The following GALK2 variants were observed in gnomAD, a reference collection of about 807,000 sequenced individuals.
GALK2 encodes the protein galactokinase 2.
In GALK2, 36 loss-of-function variants were observed where a neutral mutation model predicts 52.4. That is an observed-to-expected ratio of 0.69 (90% CI 0.53 to 0.91). The LOEUF (loss-of-function observed/expected upper bound fraction) is 0.91. Ranked by LOEUF, GALK2 falls within the 40% of genes least tolerant of loss-of-function variation. The probability of loss-of-function intolerance (pLI) is 0.00; values close to 1 mark genes in which losing one functional copy is unlikely to be tolerated. For synonymous variants in GALK2, 176 were observed against 199.1 expected, an observed-to-expected ratio of 0.88 and a Z score of 0.98; for missense variants, 579 against 559.1, an observed-to-expected ratio of 1.04 and a Z score of -0.36.
intron 7 of GALK2, among the ~76,000 whole-genome samples, chr15:49,288,503 A>C (rs1425967746): frequency 1.3e-5 from 2 of 152,180 alleles, no homozygotes; most frequent in Non-Finnish European, 2.9e-5. Flanking sequence ...ATAGAATGGG[A>C]GGAGAAGTTG....
chr15:49,192,997 C>CTT (rs35231463), intron 1 of GALK2, among the ~76,000 whole-genome samples: 13 of 67,080 alleles, frequency 1.9e-4, no homozygotes, highest in African/African-American at 5.0e-4. Context: ...CTGTTTATAC[C>CTT]TTTTTTTTTT....
chr15:49,367,466 G>A, intron 3 of GALK2: 1 of 1,588,996 alleles, frequency 6.3e-7, no homozygotes, highest in South Asian at 1.2e-5. Flanking sequence ...GAATATCTTA[G>A]TGAGTTTAAT....
At chr15:49,241,156 CTG>C (rs907422179) in intron 5 of GALK2, among the ~76,000 whole-genome samples, 2 of 152,010 alleles carry the variant, frequency 1.3e-5, no homozygotes, top group African/African-American at 4.8e-5. Context: ...TGTGAGGAAT[CTG>C]TGGGCATACT....
chr15:49,328,296 AGAAATGGTT>A lies in GALK2; in HGVS notation c.*142_*150del. 1 of 1,438,436 alleles carries A rather than the reference AGAAATGGTT, an allele frequency of 7.0e-7. No homozygotes were observed. Among genetic ancestry groups the A allele is most frequent in the Non-Finnish European group, 9.1e-7 (1 of 1,099,156 alleles). The allele number at this position is 1,438,436 out of a possible 1,614,324, so 89.1% of individuals were successfully genotyped here. Reference sequence around the variant, plus strand: ...CTATTATATCAAGATATATTTTCAAAGAAATGGTTGAAAGCTCTCTATGCTTCATAATGA... The same window carrying A: ...CTATTATATCAAGATATATTTTCAAAGAAAGCTCTCTATGCTTCATAATGA... On this transcript the variant is annotated 3_prime_UTR_variant, in exon 10 of 10. Transcript: ENST00000560031.
chr15:49,366,462 G>T, intron 3 of GALK2: 1 of 1,002,766 alleles, frequency 1.0e-6, no homozygotes, highest in South Asian at 1.3e-5. Context: ...ACATCAGAAA[G>T]GTTGCATAGT....
intron 8 of GALK2, among the ~76,000 whole-genome samples, chr15:49,305,763 A>G (rs542853670): frequency 1.1e-4 from 17 of 152,262 alleles, no homozygotes; most frequent in African/African-American, 3.9e-4. Flanking sequence ...AAAACAGGAA[A>G]GAGAATCTGA....
At chr15:49,225,241 A>G (rs1452479930) in intron 3 of GALK2, 2 of 455,958 alleles carry the variant, frequency 4.4e-6, no homozygotes, top group Admixed American at 2.3e-5. Context: ...GGCAGAGGCT[A>G]TGACCTGCAG....
upstream of GALK2, among the ~76,000 whole-genome samples, chr15:49,165,486 CAGTCT>C (rs2084789633): frequency 6.6e-6 from 1 of 152,136 alleles, no homozygotes; most frequent in East Asian, 1.9e-4. Context: ...CAGAGTAAAA[CAGTCT>C]TTGCCTTCAG....
chr15:49,274,491 T>C (rs1595919827), intron 5 of GALK2, among the ~76,000 whole-genome samples: 2 of 152,196 alleles, frequency 1.3e-5, no homozygotes, highest in African/African-American at 4.8e-5. Context: ...GGTGAGTGAA[T>C]GTGAAGGCGC....
chr15:49,301,314 CA>C (rs1369039732), intron 8 of GALK2, among the ~76,000 whole-genome samples: 1 of 152,168 alleles, frequency 6.6e-6, no homozygotes, highest in Admixed American at 6.5e-5. Flanking sequence ...CAAAATCCTT[CA>C]ATCCTTTAGA....
In GALK2 at chr15:49,236,507, A is replaced by G. The variant is rs1430033944; in HGVS notation, c.357+566A>G. On this transcript the variant is annotated intron_variant, in intron 4 of 9. Coordinates refer to ENST00000560031, the MANE Select transcript of GALK2 (RefSeq NM_002044.4). ...AAAAGATATAATGAAATGTATTAGTATAAGTATTTTCCAAGAAACATTGAA... is the reference window on the plus strand; with the variant it reads ...AAAAGATATAATGAAATGTATTAGTGTAAGTATTTTCCAAGAAACATTGAA... Among the ~76,000 whole-genome samples, 4 of 152,222 alleles carry G rather than the reference A, an allele frequency of 2.6e-5. 1 individual carries two copies. The highest frequency in any genetic ancestry group is 4.1e-4 in the South Asian group (2 of 4,832).
chr15:49,316,327 G>C (rs1410388662), intron 8 of GALK2, among the ~76,000 whole-genome samples: 1 of 85,796 alleles, frequency 1.2e-5, no homozygotes, highest in Non-Finnish European at 2.5e-5. Flanking sequence ...GGACAGTGCT[G>C]TGGAGGGGAA....
chr15:49,205,164 A>G (rs576390329), intron 2 of GALK2, among the ~76,000 whole-genome samples: 5 of 138,342 alleles, frequency 3.6e-5, no homozygotes, highest in South Asian at 2.3e-4. Flanking sequence ...TATAGTGGCA[A>G]TTGTGAATTG....
chr15:49,175,797 C>T (rs1003874909), intron 1 of GALK2, among the ~76,000 whole-genome samples: 1 of 152,188 alleles, frequency 6.6e-6, no homozygotes, highest in African/African-American at 2.4e-5. Flanking sequence ...CAACCCCTGA[C>T]CTTATCAGTT....
intron 1 of GALK2, among the ~76,000 whole-genome samples, chr15:49,192,378 G>C (rs1312599670): frequency 6.7e-6 from 1 of 150,070 alleles, no homozygotes; most frequent in Admixed American, 6.6e-5. Flanking sequence ...ACTTCATTTT[G>C]GAAACAAGTC....
intron 1 of GALK2, among the ~76,000 whole-genome samples, chr15:49,196,002 T>C (rs1472244121): frequency 6.6e-6 from 1 of 152,108 alleles, no homozygotes; most frequent in Non-Finnish European, 1.5e-5. Context: ...TTAGTAGTAT[T>C]TTCCCTTTGT....
intron 5 of GALK2, among the ~76,000 whole-genome samples, chr15:49,241,376 A>G (rs1463280360): frequency 3.9e-5 from 6 of 152,200 alleles, no homozygotes; most frequent in Non-Finnish European, 8.8e-5. Flanking sequence ...AGGAATGGGC[A>G]TAGGAAGGGA....
At chr15:49,353,241 G>C (rs2042512416) in intron 3 of GALK2, among the ~76,000 whole-genome samples, 1 of 152,096 alleles carries the variant, frequency 6.6e-6, no homozygotes, top group Non-Finnish European at 1.5e-5. Flanking sequence ...TCAAATTTGG[G>C]CTCAAATTAG....
At chr15:49,355,297 A>G (rs1270381923) in intron 3 of GALK2, among the ~76,000 whole-genome samples, 1 of 152,240 alleles carries the variant, frequency 6.6e-6, no homozygotes, top group Non-Finnish European at 1.5e-5. Flanking sequence ...ACTCTGAGCT[A>G]CGGGAGGACA....
Sources: gnomAD v4.1 joint callset for allele counts (sites outside exome capture counted in the v4.1 genomes callset) on GRCh38, gnomAD v4.1.1 for gene constraint, MANE v1.5 for transcripts, NCBI Gene and HGNC (gene_info 2026-07-23, HGNC 2026-07-21) for gene names.